The following SPIRE2 variants were observed in gnomAD, a reference collection of about 807,000 sequenced individuals.
The protein encoded by SPIRE2 is spire type actin nucleation factor 2, also known as protein spire homolog 2.
Under a neutral mutation model 80.7 loss-of-function variants are expected in SPIRE2, and 76 were observed. The ratio of observed to expected loss-of-function variants is 0.94; its 90% CI spans 0.78 to 1.14. The LOEUF is 1.14. SPIRE2 is among the 50% of genes most tolerant of loss of function. The pLI is 0.00. For missense variants in SPIRE2, 1,196 were observed against 1,015.3 expected (o/e 1.18, Z -2.42); for synonymous variants, 535 against 432.6 (o/e 1.24, Z -2.94).
chr16:89,870,219 C>T lies in SPIRE2; in HGVS notation c.2092C>T (p.Arg698Cys), dbSNP rs749896982. 81 of 1,607,300 alleles carry T rather than the reference C, an allele frequency of 5.0e-5. No individual in the cohort carries two copies. Among genetic ancestry groups the T allele is most frequent in the Non-Finnish European group, 6.3e-5 (74 of 1,177,156 alleles). ...CCTCAACACTACGCCACGACGCAGT[C>T]GCCAGACCCAATCCCTCTACATCCC... The part of the protein sequence containing the change: ...DVLNTTPRRS[R>C]QTQSLYIPNT... The change falls in exon 15 of 15, where the codon CGC becomes TGC. Residue 698 changes from arginine to cysteine, a missense_variant. Coordinates refer to ENST00000378247, the MANE Select transcript of SPIRE2 (RefSeq NM_032451.2).
At chr16:89,835,095 G>A (rs1016452221) in intron 1 of SPIRE2, among the ~76,000 whole-genome samples, 6 of 146,946 alleles carry the variant, frequency 4.1e-5, no homozygotes, top group Non-Finnish European at 8.9e-5. Flanking sequence ...GTTGGCCGTC[G>A]TAGAAGCCTA....
chr16:89,842,239 G>A (rs1226961945), intron 1 of SPIRE2, among the ~76,000 whole-genome samples: 1 of 43,780 alleles, frequency 2.3e-5, no homozygotes, highest in South Asian at 8.2e-4. Flanking sequence ...TTGTGACGGA[G>A]TCTCACTCTG....
In SPIRE2 at chr16:89,842,229, T is replaced by TTTTTTTC. The variant is rs1299656862; in HGVS notation, c.245-3092_245-3091insTTTTTCT. Among the ~76,000 whole-genome samples the TTTTTTTC allele has an allele frequency of 2.9e-5, 4 of 137,480 alleles. 1 individual carries two copies. The highest frequency in any genetic ancestry group is 9.1e-5 in the African/African-American group (3 of 33,044). The allele number at this position is 137,480 out of a possible 152,430, so 90.2% of individuals were successfully genotyped here. On this transcript the variant is annotated intron_variant, in intron 1 of 14. Coordinates refer to ENST00000378247, the MANE Select transcript of SPIRE2 (RefSeq NM_032451.2). ...CGTAATTTTTTTTTTTTTTTTTTTT[T>TTTTTTTC]TGTGACGGAGTCTCACTCTGTTGCC...
At chr16:89,856,281 TG>T (rs1252527558) in intron 7 of SPIRE2, 45 bp downstream of exon 7, 2 of 1,533,826 alleles carry the variant, frequency 1.3e-6, no homozygotes, top group Non-Finnish European at 1.8e-6. Flanking sequence ...AGCCCCCGGC[TG>T]GGGTTCCCCC....
chr16:89,854,312 G>A lies in SPIRE2; in HGVS notation c.672G>A (p.Glu224=). ...TGCTGCAGAAGCTTCGGGAGGACGA[G>A]CCGCATCTGGAGACGCCTCGGGCAG... is the stretch of plus-strand genomic sequence containing the variant. ...KEMLQKLRED[E]PHLETPRAEL... Residue 224 remains glutamate (E), a synonymous_variant, in exon 4 of 15, where the codon GAG becomes GAA. Coordinates refer to ENST00000378247, the MANE Select transcript of SPIRE2 (RefSeq NM_032451.2). 1 of 1,612,574 alleles carries A rather than the reference G, an allele frequency of 6.2e-7. No individual in the cohort carries two copies. Among genetic ancestry groups the A allele is most frequent in the South Asian group, 1.1e-5 (1 of 91,042 alleles).
chr16:89,853,377 G>C (rs1195614274), intron 3 of SPIRE2, among the ~76,000 whole-genome samples: 1 of 152,228 alleles, frequency 6.6e-6, no homozygotes, highest in African/African-American at 2.4e-5. Context: ...GGAATTGGTA[G>C]TAGGACCAAG....
At chr16:89,847,328 G>A (rs889656892) in intron 2 of SPIRE2, among the ~76,000 whole-genome samples, 6 of 152,206 alleles carry the variant, frequency 3.9e-5, no homozygotes, top group Admixed American at 6.5e-5. Context: ...GGCTGTGTCC[G>A]GTTGTCGTGT....
chr16:89,855,544 G>T lies in SPIRE2; in HGVS notation c.892-56G>T. The T allele has an allele frequency of 6.6e-6, 10 of 1,515,870 alleles. No homozygotes were observed. The South Asian group carries it at 9.2e-5, about 14-fold the overall frequency. 93.9% of individuals were successfully genotyped at this position (1,515,870 alleles called of 1,614,324 possible). A position where few individuals can be genotyped will look rare whatever the true frequency, so the allele number is the denominator to read the frequency against. On this transcript the variant is annotated intron_variant, in intron 5 of 14. Transcript: ENST00000378247. ...TGGGCTGAGCAGGCCTCTCCCAGTC[G>T]CCCTGCACTAGTGGATGGTCCCTGC... is the stretch of plus-strand genomic sequence containing the variant.
Position 89,863,237 on chromosome 16 carries a change from A to T in SPIRE2, c.1576-239A>T. 1 of 562,752 alleles carries T rather than the reference A, an allele frequency of 1.8e-6. No individual in the cohort carries two copies. The highest frequency in any genetic ancestry group is 2.1e-5 in the South Asian group (1 of 48,562). The allele number at this position is 562,752 out of a possible 1,614,324, so 34.9% of individuals were successfully genotyped here. A position where few individuals can be genotyped will look rare whatever the true frequency, so the allele number is the denominator to read the frequency against. On this transcript the variant is annotated intron_variant, in intron 10 of 14. Coordinates refer to ENST00000378247, the MANE Select transcript of SPIRE2 (RefSeq NM_032451.2). This position sits in a 1 kb window ranked among gnomAD's most constrained non-coding sequence, Gnocchi z 4.3. ...AGGGGAGTTTGTGTGGAGCGTGGCC[A>T]GTGAAGGCTGGGCTGGCCGGCAGGG...
Position 89,854,267 on chromosome 16 carries a change from C to T in SPIRE2, c.646-19C>T, listed in dbSNP as rs371218088. The T allele has an allele frequency of 1.4e-5, 23 of 1,609,060 alleles. No homozygotes were observed. The highest frequency in any genetic ancestry group is 6.7e-5 in the Admixed American group (4 of 59,654). On this transcript the variant is annotated intron_variant, in intron 3 of 14. Coordinates refer to ENST00000378247, the MANE Select transcript of SPIRE2 (RefSeq NM_032451.2). ...CATTCTCGTACCTCCCCTGGACTGA[C>T]GAGCACGTGTGGTCACAGATGCTGC...
Position 89,870,060 on chromosome 16 carries a change from G to C in SPIRE2, c.1933G>C (p.Gly645Arg), listed in dbSNP as rs770450035. ...QRRDIFQSLQ[G>R]PQWQSVEEAF... ...TCTCCCACTTCCCAGGTCTCTGCAA[G>C]GGCCACAGTGGCAGAGCGTGGAGGA... Residue 645 changes from glycine (G) to arginine (R), a missense_variant, in exon 15 of 15, where the codon GGG (glycine) becomes CGG (arginine). Gly to Arg is a moderately radical substitution (Grantham distance 125, BLOSUM62 -2). Transcript: ENST00000378247. 1 of 1,612,384 alleles carries C rather than the reference G, an allele frequency of 6.2e-7. No individual in the cohort carries two copies. Among genetic ancestry groups the C allele is most frequent in the African/African-American group, 1.3e-5 (1 of 74,884 alleles).
At chr16:89,839,441 G>A (rs188000433) in intron 1 of SPIRE2, among the ~76,000 whole-genome samples, 3 of 152,060 alleles carry the variant, frequency 2.0e-5, no homozygotes, top group East Asian at 3.9e-4. Context: ...TTCCAGGAGT[G>A]TTGGCAGTGG....
intron 1 of SPIRE2, among the ~76,000 whole-genome samples, chr16:89,844,092 C>A (rs1383180883): frequency 1.3e-5 from 2 of 150,508 alleles, no homozygotes; most frequent in Non-Finnish European, 3.0e-5. Flanking sequence ...ACCTCCTGGG[C>A]TCAAGAGGTC....
At chr16:89,856,526 C>T (rs1315011152) in intron 7 of SPIRE2, among the ~76,000 whole-genome samples, 1 of 151,878 alleles carries the variant, frequency 6.6e-6, no homozygotes, top group Non-Finnish European at 1.5e-5. Flanking sequence ...CTCACTGCAA[C>T]CTCCGCCCCC....
At position 89,870,830 on chromosome 16, in the gene SPIRE2, A is replaced by G. The variant is rs2041833518; in HGVS notation, c.*558A>G. The G allele has an allele frequency of 1.9e-5, 3 of 155,072 alleles. No individual in the cohort carries two copies. The highest frequency in any genetic ancestry group is 1.9e-4 in the Admixed American group (3 of 16,086). 9.6% of individuals were successfully genotyped at this position (155,072 alleles called of 1,614,324 possible). A position where few individuals can be genotyped will look rare whatever the true frequency, so the allele number is the denominator to read the frequency against. On this transcript the variant is annotated 3_prime_UTR_variant, in exon 15 of 15. Transcript: ENST00000378247. ...GCCAGGCGTGGTGGTTCAGGCCTGT[A>G]ATTCCAGCACTTTGGGAGGCCGAGG...
chr16:89,862,868 T>G (rs2041756708), intron 10 of SPIRE2: 1 of 154,636 alleles, frequency 6.5e-6, no homozygotes, highest in Admixed American at 6.3e-5. Context: ...GTTTAAGGGC[T>G]TTAACTGAAT....
chr16:89,836,999 A>T (rs1376480888), intron 1 of SPIRE2, among the ~76,000 whole-genome samples: 2 of 152,102 alleles, frequency 1.3e-5, no homozygotes. Context: ...CCAGCTAAAA[A>T]AAGAAAAAAT....
chr16:89,856,048 C>T (rs576444131), intron 6 of SPIRE2, 65 bp from the exon 7 acceptor site: 29 of 1,584,402 alleles, frequency 1.8e-5, no homozygotes, highest in Middle Eastern at 2.3e-4. Context: ...GCTTCCCCAC[C>T]GCAGGTCCCG....
chr16:89,828,879 A>G lies in SPIRE2; in HGVS notation c.244+85A>G. On this transcript the variant is annotated intron_variant, in intron 1 of 14. Transcript: ENST00000378247. The surrounding 1 kb of genome is among the most constrained non-coding windows in gnomAD (Gnocchi z 5.9). Reference sequence around the variant, plus strand: ...CTGGGTGGGGGTGGTCCCGGCGGAGAGGCTGCGACCGGTTCTGGAGCGGGA... The same window carrying G: ...CTGGGTGGGGGTGGTCCCGGCGGAGGGGCTGCGACCGGTTCTGGAGCGGGA... 1 of 1,072,850 alleles carries G rather than the reference A, an allele frequency of 9.3e-7. No individual in the cohort carries two copies. Among genetic ancestry groups the G allele is most frequent in the East Asian group, 4.4e-5 (1 of 22,826 alleles). The allele number at this position is 1,072,850 out of a possible 1,614,324, so 66.5% of individuals were successfully genotyped here.
Sources: allele counts gnomAD v4.1 joint callset (sites outside exome capture counted in the v4.1 genomes callset), GRCh38; gene constraint gnomAD v4.1.1; non-coding constraint Gnocchi (gnomAD v3.1); transcripts MANE v1.5; gene names NCBI Gene and HGNC (gene_info 2026-07-23, HGNC 2026-07-21).